Variants in AFF1 observed in about 807,000 individuals in gnomAD.
The protein encoded by AFF1 is AF4/FMR2 family member 1.
Under a neutral mutation model 121.7 loss-of-function variants are expected in AFF1, and 48 were observed. That is an observed-to-expected ratio of 0.39 (90% CI 0.31 to 0.50). The LOEUF is 0.50. Among genes scored for constraint, AFF1 ranks in the 20% least tolerant of loss-of-function variants. AFF1 has a pLI of 0.76. For missense variants in AFF1, 1,523 were observed against 1,511.7 expected (o/e 1.01, Z -0.12); for synonymous variants, 613 against 563.0 (o/e 1.09, Z -1.26).
At chr4:87,067,831 CCA>C (rs1721518812) in intron 4 of AFF1, among the ~76,000 whole-genome samples, 1 of 152,120 alleles carries the variant, frequency 6.6e-6, no homozygotes, top group Admixed American at 6.5e-5. Flanking sequence ...TGTCTACATG[CCA>C]CAGTTTGGAT....
chr4:87,114,235 C>T (rs1418994268), intron 11 of AFF1, 132 bp from the exon 12 acceptor site: 21 of 719,330 alleles, frequency 2.9e-5, no homozygotes, highest in South Asian at 1.2e-4. Context: ...GGAGGATGAC[C>T]GGAACCTAAA....
rs538154578 is a variant in AFF1 at position 87,066,204 on chromosome 4, C to G, written c.1060-17916C>G. ...ATCCATCCTAATAAGCAGGTCTCAT[C>G]AAAAGCCTTAGAATGGAGAAAATTT... On this transcript the variant is annotated intron_variant, in intron 4 of 20. Transcript: ENST00000395146. Among the ~76,000 whole-genome samples, 4 of 152,320 alleles carry G rather than the reference C, an allele frequency of 2.6e-5. No homozygotes were observed. In the South Asian group the frequency reaches 6.2e-4, roughly 24 times the overall value.
intron 2 of AFF1, among the ~76,000 whole-genome samples, chr4:86,951,732 C>T (rs1721355752): frequency 6.7e-6 from 1 of 149,072 alleles, no homozygotes; most frequent in South Asian, 2.1e-4. Context: ...AGCAATTCTC[C>T]TGCCTCAGCC....
At chr4:87,062,342 C>G (rs1387796713) in intron 4 of AFF1, among the ~76,000 whole-genome samples, 1 of 152,076 alleles carries the variant, frequency 6.6e-6, no homozygotes. Flanking sequence ...GAGACTTGCT[C>G]CCTCAAACCC....
intron 2 of AFF1, among the ~76,000 whole-genome samples, chr4:86,985,080 A>G (rs180998895): frequency 5.4e-5 from 8 of 148,780 alleles, no homozygotes; most frequent in African/African-American, 2.0e-4. Context: ...ATTTAATAGA[A>G]AAGGGAAACT....
At chr4:86,983,502 C>G (rs1723941078) in intron 2 of AFF1, among the ~76,000 whole-genome samples, 1 of 151,988 alleles carries the variant, frequency 6.6e-6, no homozygotes, top group Non-Finnish European at 1.5e-5. Flanking sequence ...GCACTCCATC[C>G]TGGGCAACAA....
intron 1 of AFF1, among the ~76,000 whole-genome samples, chr4:86,947,856 G>A (rs1386057788): frequency 6.6e-6 from 1 of 151,038 alleles, no homozygotes; most frequent in African/African-American, 2.4e-5. Flanking sequence ...TTTAATGAGT[G>A]GAAGTAAAAT....
chr4:86,969,339 C>T (rs575442437), intron 2 of AFF1, among the ~76,000 whole-genome samples: 2 of 151,620 alleles, frequency 1.3e-5, no homozygotes, highest in Admixed American at 6.6e-5. Flanking sequence ...ATTAGCTTGG[C>T]GTGGTGGCAC....
intron 11 of AFF1, among the ~76,000 whole-genome samples, chr4:87,112,664 C>T (rs1047572749): frequency 3.3e-5 from 5 of 152,148 alleles, no homozygotes; most frequent in East Asian, 1.9e-4. Context: ...ATGTTCCACT[C>T]GGGAAAATTG....
intron 2 of AFF1, among the ~76,000 whole-genome samples, chr4:86,956,092 G>A (rs983376130): frequency 3.3e-5 from 5 of 152,186 alleles, no homozygotes; most frequent in African/African-American, 1.2e-4. Flanking sequence ...TGTAAATAGT[G>A]CACACCTGGA....
chr4:87,132,156 C>T (rs779634247), intron 18 of AFF1, 115 bp from the exon 19 acceptor site: 45 of 1,207,340 alleles, frequency 3.7e-5, no homozygotes, highest in Non-Finnish European at 5.2e-5. Flanking sequence ...ACTTTACATA[C>T]TAACTCACAC....
At chr4:86,980,891 A>G (rs1723683624) in intron 2 of AFF1, among the ~76,000 whole-genome samples, 1 of 150,468 alleles carries the variant, frequency 6.6e-6, no homozygotes, top group Non-Finnish European at 1.5e-5. Flanking sequence ...GTTGAAAGTA[A>G]TGGCCAGGTG....
intron 11 of AFF1, among the ~76,000 whole-genome samples, chr4:87,110,090 A>AT (rs1366911463): frequency 6.6e-6 from 1 of 152,224 alleles, no homozygotes; most frequent in African/African-American, 2.4e-5. Context: ...ACAGATATTA[A>AT]TGAGAATTCT....
chr4:87,025,758 A>G (rs1000338428), intron 2 of AFF1, among the ~76,000 whole-genome samples: 3 of 152,270 alleles, frequency 2.0e-5, no homozygotes, highest in South Asian at 2.1e-4. Flanking sequence ...CCAAGTGTCA[A>G]TAGTGGAGAA....
chr4:87,078,936 GATATGTTTTAATAT>G (rs1722923241), intron 4 of AFF1, among the ~76,000 whole-genome samples: 1 of 151,994 alleles, frequency 6.6e-6, no homozygotes, highest in African/African-American at 2.4e-5. Flanking sequence ...TGTTTTATTA[GATATGTTTTAATAT>G]GAAAACATAT....
chr4:87,108,403 C>T, intron 11 of AFF1, 88 bp downstream of exon 11: 2 of 1,410,824 alleles, frequency 1.4e-6, no homozygotes, highest in East Asian at 4.9e-5. Flanking sequence ...CAGGACTGAC[C>T]ATGAGACTGA....
intron 2 of AFF1, among the ~76,000 whole-genome samples, chr4:87,019,385 C>CT (rs1727655751): frequency 6.6e-6 from 1 of 152,190 alleles, no homozygotes; most frequent in Admixed American, 6.5e-5. Context: ...AGGCAGGACT[C>CT]TAATCTAATT....
intron 2 of AFF1, among the ~76,000 whole-genome samples, chr4:87,021,987 GAGGTCAGGAGTTTGAGACC>G (rs1428047236): frequency 1.3e-5 from 2 of 152,162 alleles, no homozygotes; most frequent in East Asian, 3.9e-4. Flanking sequence ...CGGATCACCT[GAGGTCAGGAGTTTGAGACC>G]AGCCTAGCTG....
intron 4 of AFF1, among the ~76,000 whole-genome samples, chr4:87,069,179 C>G (rs1216820216): frequency 2.0e-5 from 3 of 151,568 alleles, no homozygotes; most frequent in African/African-American, 4.9e-5. Flanking sequence ...GGTAAATAAG[C>G]TTGCCAGCCA....
Sources: allele counts gnomAD v4.1 joint callset (sites outside exome capture counted in the v4.1 genomes callset), GRCh38; gene constraint gnomAD v4.1.1; transcripts MANE v1.5; gene names NCBI Gene and HGNC (gene_info 2026-07-23, HGNC 2026-07-21).